The following HSD17B14 variants were observed in gnomAD, a reference collection of about 807,000 sequenced individuals.
HSD17B14 encodes hydroxysteroid 17-beta dehydrogenase 14.
A neutral mutation model predicts 32.2 loss-of-function variants in HSD17B14; 32 were observed. That is an observed-to-expected ratio of 0.99 (90% confidence interval 0.75 to 1.33). The LOEUF is 1.33. HSD17B14 is among the 40% of genes most tolerant of loss of function. The pLI, the probability that HSD17B14 is intolerant of heterozygous loss-of-function variation, is 0.00. For synonymous variants in HSD17B14, 140 were observed against 155.4 expected (o/e 0.90, Z 0.74); for missense variants, 370 against 366.5 (o/e 1.01, Z -0.08).
intron 5 of HSD17B14, among the ~76,000 whole-genome samples, chr19:48,816,742 G>A (rs1411988028): frequency 6.7e-6 from 1 of 148,642 alleles, no homozygotes; most frequent in Non-Finnish European, 1.5e-5. Context: ...TTGAACCCAG[G>A]TGTTTGAGGC....
At chr19:48,818,812 C>T (rs1243692559) in intron 5 of HSD17B14, among the ~76,000 whole-genome samples, 1 of 152,050 alleles carries the variant, frequency 6.6e-6, no homozygotes, top group African/African-American at 2.4e-5. Flanking sequence ...CCAGCCTGGG[C>T]AACATACTGA....
rs1474301777 is a variant in HSD17B14, at chr19:48,834,584, G to A, written c.128-226C>T. 3.0e-5 allele frequency among the ~76,000 whole-genome samples: 2 copies of A among 66,434 alleles called. 1 individual carries two copies. Among genetic ancestry groups the A allele is most frequent in the Non-Finnish European group, 5.1e-5 (2 of 39,396 alleles). The allele number at this position is 66,434 out of a possible 152,430, so 43.6% of individuals were successfully genotyped here. A position where few individuals can be genotyped will look rare whatever the true frequency, so the allele number is the denominator to read the frequency against. The stretch of plus-strand genomic sequence containing the variant: ...GCTGGGAGCCTGGACTCCTGGGTCC[G>A]AGGAAGTAGGGCCTGGGGGCCTGGA... On this transcript the variant is annotated intron_variant, in intron 2 of 8. Transcript: ENST00000263278.
In HSD17B14 at chr19:48,834,345, C is replaced by T. The variant is rs148850309; in HGVS notation, c.141G>A (p.Arg47=). The T allele has an allele frequency of 7.4e-6, 12 of 1,613,520 alleles. No individual in the cohort carries two copies. The East Asian group carries it at 1.3e-4, about 18-fold the overall frequency. Residue 47 remains arginine, a synonymous_variant, in exon 3 of 9, where the codon CGG becomes CGA. Coordinates refer to ENST00000263278, the MANE Select transcript of HSD17B14 (RefSeq NM_016246.3). ...CTCCAGGGAGCTCCTGCTCCAGGGC[C>T]CGGCCCCCAGACTCTGCAGGGAGAG... ...VICDKDESGG[R]ALEQELPGAV... is the part of the protein sequence containing the mutation.
chr19:48,828,075 C>G (rs577673726), intron 5 of HSD17B14, among the ~76,000 whole-genome samples: 1 of 151,736 alleles, frequency 6.6e-6, no homozygotes, highest in African/African-American at 2.4e-5. Context: ...AAGATGGTCT[C>G]GATCTCCTGA....
At chr19:48,820,839 A>T (rs1467167342) in intron 5 of HSD17B14, among the ~76,000 whole-genome samples, 1 of 151,742 alleles carries the variant, frequency 6.6e-6, no homozygotes, top group Non-Finnish European at 1.5e-5. Context: ...CCCATTCTCC[A>T]CAAAAAGTAA....
At chr19:48,832,591 G>T in intron 4 of HSD17B14, 75 bp downstream of exon 4, 2 of 1,285,982 alleles carry the variant, frequency 1.6e-6, no homozygotes, top group South Asian at 1.2e-5. Context: ...GGGGCAGGGA[G>T]TGGGGAAACT....
At chr19:48,834,408 AG>A in intron 2 of HSD17B14, 50 bp from the exon 3 acceptor site, 1 of 1,210,208 alleles carries the variant, frequency 8.3e-7, no homozygotes, top group Non-Finnish European at 1.2e-6. Context: ...CTCAGGGAGG[AG>A]GGGTTGGGGA....
rs575771037 is a variant in HSD17B14, at chr19:48,834,604, C to T, written c.128-246G>A. On this transcript the variant is annotated intron_variant, in intron 2 of 8. Coordinates refer to ENST00000263278, the MANE Select transcript of HSD17B14 (RefSeq NM_016246.3). Reference sequence around the variant, plus strand: ...GGTCCGAGGAAGTAGGGCCTGGGGGCCTGGACTCCTGGGTCTGAGGGAGGA... The same window carrying T: ...GGTCCGAGGAAGTAGGGCCTGGGGGTCTGGACTCCTGGGTCTGAGGGAGGA... Among the ~76,000 whole-genome samples, 48 of 53,960 alleles carry T rather than the reference C, an allele frequency of 8.9e-4. 4 individuals are homozygous for T. Among genetic ancestry groups the T allele is most frequent in the Middle Eastern group, 9.1e-3 (1 of 110 alleles). The allele number at this position is 53,960 out of a possible 152,430, so 35.4% of individuals were successfully genotyped here. A position where few individuals can be genotyped will look rare whatever the true frequency, so the allele number is the denominator to read the frequency against.
intron 5 of HSD17B14, among the ~76,000 whole-genome samples, chr19:48,830,786 G>T (rs1303091333): frequency 1.3e-5 from 2 of 152,012 alleles, no homozygotes; most frequent in East Asian, 3.8e-4. Flanking sequence ...GCCTCCCAAA[G>T]TGCTGGGATT....
At position 48,813,178 on chromosome 19, in the gene HSD17B14, G is replaced by A; in HGVS notation, c.810C>T (p.Ser270=). 1 of 1,586,420 alleles carries A rather than the reference G, an allele frequency of 6.3e-7. No homozygotes were observed. Among genetic ancestry groups the A allele is most frequent in the Non-Finnish European group, 8.6e-7 (1 of 1,165,856 alleles). The change falls in exon 9 of 9, where the codon TCC becomes TCT. Residue 270 remains serine (S), a synonymous_variant. Coordinates refer to ENST00000263278, the MANE Select transcript of HSD17B14 (RefSeq NM_016246.3). ...CCCCAAGTAGAAATGAGAGAAATCA[G>A]GAAGGGATATCGGGGGCGTCCACGG... ...STPVDAPDIP[S] is the part of the protein sequence containing the mutation.
intron 5 of HSD17B14, among the ~76,000 whole-genome samples, chr19:48,824,536 T>C (rs370986929): frequency 6.6e-6 from 1 of 151,248 alleles, no homozygotes; most frequent in Non-Finnish European, 1.5e-5. Context: ...TTTGGGAGGC[T>C]GAAGCAGGCG....
intron 5 of HSD17B14, among the ~76,000 whole-genome samples, chr19:48,819,715 C>T (rs2035114327): frequency 6.6e-6 from 1 of 152,234 alleles, no homozygotes; most frequent in Non-Finnish European, 1.5e-5. Context: ...CCCAGAACCA[C>T]ACCCATCCCC....
In HSD17B14 at chr19:48,816,779, TTTTC is replaced by T. The variant is rs368394306; in HGVS notation, c.370-1642_370-1639del. The stretch of plus-strand genomic sequence containing the variant: ...AGCATGGGCAGCTTAGCAAGACCCT[TTTTC>T]TTTCTTTCTTTCTTTCTTTCTTTCT... On this transcript the variant is annotated intron_variant, in intron 5 of 8. Transcript: ENST00000263278. Among the ~76,000 whole-genome samples, 270 of 122,282 alleles carry T rather than the reference TTTTC, an allele frequency of 2.2e-3. 1 individual carries two copies. Among genetic ancestry groups the T allele is most frequent in the East Asian group, 0.01 (43 of 4,238 alleles). The allele number at this position is 122,282 out of a possible 152,430, so 80.2% of individuals were successfully genotyped here. A position where few individuals can be genotyped will look rare whatever the true frequency, so the allele number is the denominator to read the frequency against.
chr19:48,828,089 C>G (rs1490891472), intron 5 of HSD17B14, among the ~76,000 whole-genome samples: 2 of 151,636 alleles, frequency 1.3e-5, no homozygotes, highest in East Asian at 3.9e-4. Flanking sequence ...CTCCTGACCT[C>G]GTGATCCGCC....
Position 48,815,050 on chromosome 19 carries a change from T to C in HSD17B14, c.461A>G (p.Tyr154Cys). Residue 154 changes from tyrosine (Y) to cysteine (C), a missense_variant, in exon 6 of 9, where the codon TAT becomes TGT. By Grantham distance (194) the Tyr-to-Cys change is radical. Coordinates refer to ENST00000263278, the MANE Select transcript of HSD17B14 (RefSeq NM_016246.3). Reference sequence around the variant, plus strand: ...GGGCTGCCATACCTTGGTGGCCACATAGGGAACTGCCTGGGCCTGGCCGAT... The same window carrying C: ...GGGCTGCCATACCTTGGTGGCCACACAGGGAACTGCCTGGGCCTGGCCGAT... ...GAIGQAQAVP[Y>C]VATKGAVTAM... The C allele has an allele frequency of 6.2e-7, 1 of 1,613,196 alleles. No individual in the cohort carries two copies. The highest frequency in any genetic ancestry group is 8.5e-7 in the Non-Finnish European group (1 of 1,179,466).
intron 5 of HSD17B14, among the ~76,000 whole-genome samples, chr19:48,821,910 T>C (rs995252780): frequency 1.4e-5 from 2 of 144,150 alleles, no homozygotes; most frequent in Non-Finnish European, 3.0e-5. Context: ...ATGGTGATGA[T>C]GATAATGGTG....
chr19:48,828,356 G>A (rs1054698809), intron 5 of HSD17B14, among the ~76,000 whole-genome samples: 10 of 152,118 alleles, frequency 6.6e-5, no homozygotes, highest in African/African-American at 2.4e-4. Flanking sequence ...GCCTCAAAAG[G>A]TAATTATTGG....
At position 48,813,677 on chromosome 19, in the gene HSD17B14, A is replaced by G. The variant is rs2035001934; in HGVS notation, c.528T>C (p.Gly176=). 3.1e-6 allele frequency: 5 copies of G among 1,614,012 alleles called. No individual in the cohort carries two copies. The highest frequency in any genetic ancestry group is 2.7e-5 in the African/African-American group (2 of 74,902). ...GAGCAGCTCACCAGTTGACTCGGAC[A>G]CCATATGGACTTTCATCCAGGGCCA... The part of the protein sequence containing the change: ...KALALDESPY[G]VRVNCISPGN... Residue 176 remains glycine, a synonymous_variant, in exon 7 of 9, where the codon GGT becomes GGC. Coordinates refer to ENST00000263278, the MANE Select transcript of HSD17B14 (RefSeq NM_016246.3).
At chr19:48,816,795 C>CTTTCTTTCTTTCTT (rs1555775896) in intron 5 of HSD17B14, among the ~76,000 whole-genome samples, 2 of 107,270 alleles carry the variant, frequency 1.9e-5, no homozygotes, top group African/African-American at 8.4e-5. Context: ...TTCTTTCTTT[C>CTTTCTTTCTTTCTT]TTTCTTTCTT....
Sources: allele counts gnomAD v4.1 joint callset (sites outside exome capture counted in the v4.1 genomes callset), GRCh38; gene constraint gnomAD v4.1.1; transcripts MANE v1.5; gene names NCBI Gene and HGNC (gene_info 2026-07-23, HGNC 2026-07-21).